SUSD4: variants seen among roughly 807,000 people sequenced by gnomAD.
SUSD4 encodes sushi domain containing 4, also known as sushi domain-containing protein 4.
In SUSD4, 41 loss-of-function variants were observed where a neutral mutation model predicts 50.5. That is an observed-to-expected ratio of 0.81 (90% CI 0.63 to 1.05). The LOEUF (loss-of-function observed/expected upper bound fraction) is 1.05, where lower values mean the gene tolerates loss of function less well. Among genes scored for constraint, SUSD4 ranks in the 50% least tolerant of loss-of-function variants. The pLI is 0.00. For missense variants in SUSD4, 580 were observed against 634.7 expected, an observed-to-expected ratio of 0.91 and a Z score of 0.93; for synonymous variants, 257 against 257.3, an observed-to-expected ratio of 1.00 and a Z score of 0.01.
At chr1:223,289,179 G>A (rs1458176976) in intron 3 of SUSD4, 1 of 985,202 alleles carries the variant, frequency 1.0e-6, no homozygotes, top group East Asian at 1.1e-4. Context: ...CAATTCTAGG[G>A]TCTCCTCTCC....
At chr1:223,322,474 T>A (rs751487276) in intron 2 of SUSD4, among the ~76,000 whole-genome samples, 1 of 152,162 alleles carries the variant, frequency 6.6e-6, no homozygotes, top group Non-Finnish European at 1.5e-5. Context: ...ATTAATGAAT[T>A]TAGGACATTG....
intron 2 of SUSD4, among the ~76,000 whole-genome samples, chr1:223,300,976 A>G (rs1044018443): frequency 1.4e-4 from 21 of 152,216 alleles, no homozygotes; most frequent in African/African-American, 4.8e-4. Flanking sequence ...CTTTGGGGTT[A>G]TTCTAACTGA....
chr1:223,319,871 T>C (rs1296776581), intron 2 of SUSD4, among the ~76,000 whole-genome samples: 1 of 151,962 alleles, frequency 6.6e-6, no homozygotes, highest in Non-Finnish European at 1.5e-5. Context: ...GTAGGAGGGG[T>C]GGATGGTGGA....
intron 2 of SUSD4, among the ~76,000 whole-genome samples, chr1:223,324,418 A>G (rs1666756171): frequency 1.3e-5 from 2 of 151,794 alleles, no homozygotes; most frequent in Admixed American, 1.3e-4. Flanking sequence ...GACCCAAGAC[A>G]CCAATATTTA....
At chr1:223,294,505 C>A (rs1359293381) in intron 2 of SUSD4, among the ~76,000 whole-genome samples, 1 of 152,180 alleles carries the variant, frequency 6.6e-6, no homozygotes, top group Admixed American at 6.5e-5. Context: ...TGATGCTAGA[C>A]CCTCTACCAC....
chr1:223,300,284 T>C (rs796232476), intron 2 of SUSD4, among the ~76,000 whole-genome samples: 1 of 152,332 alleles, frequency 6.6e-6, no homozygotes, highest in African/African-American at 2.4e-5. Context: ...GGACTCTGGT[T>C]CTCAATGAAG....
chr1:223,361,257 C>A (rs775758819), intron 2 of SUSD4, among the ~76,000 whole-genome samples: 1 of 152,126 alleles, frequency 6.6e-6, no homozygotes, highest in African/African-American at 2.4e-5. Flanking sequence ...CCCCCACCAC[C>A]CTTGCTTGCC....
Position 223,358,989 on chromosome 1 carries a change from G to T in SUSD4, c.148+4289C>A, listed in dbSNP as rs1668819241. On this transcript the variant is annotated intron_variant, in intron 2 of 8. Transcript: ENST00000366878. ...AGTCAGAAAGCATCTGTTTCCACCT[G>T]CTGGCACAGAGCACAGCACTACAGC... The T allele has an allele frequency of 1.1e-5, 5 of 458,582 alleles. No individual in the cohort carries two copies. In the Admixed American group the frequency reaches 1.2e-4, roughly 11 times the overall value. The allele number at this position is 458,582 out of a possible 1,614,324, so 28.4% of individuals were successfully genotyped here. A position where few individuals can be genotyped will look rare whatever the true frequency, so the allele number is the denominator to read the frequency against.
Position 223,277,143 on chromosome 1 carries a change from G to A in SUSD4, c.362-8468C>T, listed in dbSNP as rs900118008. On this transcript the variant is annotated intron_variant, in intron 3 of 8. Transcript: ENST00000366878. ...AATCTTTTAATTAAAAATTTATAAC[G>A]TAATAATAATACTTAAACTCATATT... Among the ~76,000 whole-genome samples the A allele has an allele frequency of 4.6e-5, 7 of 152,206 alleles. No individual in the cohort carries two copies. In the East Asian group the frequency reaches 7.7e-4, roughly 17 times the overall value.
intron 2 of SUSD4, chr1:223,359,109 A>C: frequency 2.1e-6 from 1 of 471,158 alleles, no homozygotes; most frequent in South Asian, 1.5e-5. Flanking sequence ...AGGGGTTTGC[A>C]TGAGTCAGAG....
intron 5 of SUSD4, among the ~76,000 whole-genome samples, chr1:223,241,607 G>C (rs183502047): frequency 3.1e-4 from 47 of 152,290 alleles, no homozygotes; most frequent in Non-Finnish European, 5.3e-4. Context: ...TTTACTCATT[G>C]TTAGGACAGA....
At chr1:223,336,683 T>C (rs1359069741) in intron 2 of SUSD4, among the ~76,000 whole-genome samples, 1 of 152,216 alleles carries the variant, frequency 6.6e-6, no homozygotes, top group Non-Finnish European at 1.5e-5. Context: ...TCTGGGTGAC[T>C]GTAACAGAGA....
At chr1:223,335,567 C>A (rs891965811) in intron 2 of SUSD4, among the ~76,000 whole-genome samples, 2 of 152,068 alleles carry the variant, frequency 1.3e-5, no homozygotes, top group Non-Finnish European at 2.9e-5. Context: ...GTCAAGGAAG[C>A]CCCCAATTTG....
chr1:223,296,518 G>A (rs565570529), intron 2 of SUSD4, among the ~76,000 whole-genome samples: 1 of 152,296 alleles, frequency 6.6e-6, no homozygotes, highest in South Asian at 2.1e-4. Flanking sequence ...TGTATAGGCA[G>A]CAGTCCAAGG....
chr1:223,282,216 A>C (rs915698890), intron 3 of SUSD4, among the ~76,000 whole-genome samples: 3 of 152,170 alleles, frequency 2.0e-5, no homozygotes, highest in Non-Finnish European at 4.4e-5. Flanking sequence ...CCTATTCAAC[A>C]TAGTGTTGGA....
At chr1:223,223,108 G>A (rs1659235356) in intron 8 of SUSD4, 141 bp downstream of exon 8, 9 of 1,231,870 alleles carry the variant, frequency 7.3e-6, no homozygotes, top group Non-Finnish European at 9.6e-6. Context: ...AGAGCATGAA[G>A]CAATTTAAGC....
chr1:223,304,100 G>T (rs1000149781), intron 2 of SUSD4, among the ~76,000 whole-genome samples: 2 of 152,136 alleles, frequency 1.3e-5, no homozygotes, highest in Non-Finnish European at 2.9e-5. Context: ...GCGTTTATAG[G>T]CCTGTCTTAT....
chr1:223,258,007 C>A (rs1320918071), intron 5 of SUSD4, among the ~76,000 whole-genome samples: 1 of 152,200 alleles, frequency 6.6e-6, no homozygotes, highest in Non-Finnish European at 1.5e-5. Flanking sequence ...CCTCATCACA[C>A]CCCCTTTGAG....
intron 2 of SUSD4, among the ~76,000 whole-genome samples, chr1:223,344,697 A>T (rs1266855496): frequency 1.3e-5 from 2 of 152,004 alleles, no homozygotes; most frequent in Non-Finnish European, 2.9e-5. Context: ...TGTTTTCCAC[A>T]CTCCGCAGCC....
Sources: gnomAD v4.1 joint callset for allele counts (sites outside exome capture counted in the v4.1 genomes callset) on GRCh38, gnomAD v4.1.1 for gene constraint, MANE v1.5 for transcripts, NCBI Gene and HGNC (gene_info 2026-07-23, HGNC 2026-07-21) for gene names.